Variants in ZC3H12C observed in about 807,000 individuals in gnomAD.
The protein encoded by ZC3H12C is zinc finger CCCH-type containing 12C.
Under a neutral mutation model 76.3 loss-of-function variants are expected in ZC3H12C, and 20 were observed. That is an observed-to-expected ratio of 0.26 (90% confidence interval 0.18 to 0.38). The LOEUF is 0.38. Among genes scored for constraint, ZC3H12C ranks in the 10% least tolerant of loss-of-function variants. ZC3H12C has a pLI of 1.00. For missense variants in ZC3H12C, 874 were observed against 1,086.5 expected, an observed-to-expected ratio of 0.80 and a Z score of 2.75; for synonymous variants, 352 against 399.6, an observed-to-expected ratio of 0.88 and a Z score of 1.42.
At chr11:110,132,766 A>C (rs1177828933) in intron 1 of ZC3H12C, among the ~76,000 whole-genome samples, 4 of 152,102 alleles carry the variant, frequency 2.6e-5, no homozygotes, top group Non-Finnish European at 5.9e-5. Context: ...GAGCAAAATT[A>C]CCCTTATCAG....
At position 110,169,768 on chromosome 11, in the gene ZC3H12C, C is replaced by T. The variant is rs904540675; in HGVS notation, c.*4031C>T. ...GTTAATAAAAGTAAAGAAACATACA[C>T]TATCTTAGCCCCCTAGGGCAGGGGT... is the stretch of plus-strand genomic sequence containing the variant. On this transcript the variant is annotated 3_prime_UTR_variant, in exon 6 of 6. Transcript: ENST00000278590. 3 of 152,182 alleles carry T rather than the reference C, an allele frequency of 2.0e-5. No homozygotes were observed. Among genetic ancestry groups the T allele is most frequent in the Non-Finnish European group, 2.9e-5 (2 of 68,010 alleles). The allele number at this position is 152,182 out of a possible 1,614,324, so 9.4% of individuals were successfully genotyped here.
intron 1 of ZC3H12C, among the ~76,000 whole-genome samples, chr11:110,112,145 T>C (rs1861443667): frequency 6.6e-6 from 1 of 152,248 alleles, no homozygotes; most frequent in Non-Finnish European, 1.5e-5. Flanking sequence ...TGTAGATGTT[T>C]AATTACCTTA....
chr11:110,114,786 A>C (rs1565250860), intron 1 of ZC3H12C, among the ~76,000 whole-genome samples: 1 of 152,138 alleles, frequency 6.6e-6, no homozygotes. Context: ...AATAAAATAA[A>C]CTCCTCATTC....
In ZC3H12C at chr11:110,115,641, C is replaced by T. The variant is rs1310087530; in HGVS notation, c.22-21022C>T. On this transcript the variant is annotated intron_variant, in intron 1 of 5. Coordinates refer to ENST00000278590, the MANE Select transcript of ZC3H12C (RefSeq NM_033390.2). ...CATAGGATGGGGTCTTGCTATGTTG[C>T]CTAGGCTGGTCTTGAACTTCTGGCC... 2.0e-5 allele frequency among the ~76,000 whole-genome samples: 3 copies of T among 151,602 alleles called. No homozygotes were observed. In the East Asian group the frequency reaches 5.9e-4, roughly 30 times the overall value.
In ZC3H12C at chr11:110,165,360, A is replaced by G; in HGVS notation, c.2275A>G (p.Ser759Gly). Residue 759 changes from serine to glycine, a missense_variant, in exon 6 of 6, where the codon AGT (serine) becomes GGT (glycine). Ser to Gly is a moderately conservative substitution (Grantham distance 56, BLOSUM62 0). Transcript: ENST00000278590. ...DSISDSRLYD[S>G]SPSRQRKPYS... ...CATCTCTGACTCTCGACTTTATGAC[A>G]GTTCTCCTTCACGACAAAGAAAGCC... The G allele has an allele frequency of 6.2e-7, 1 of 1,614,006 alleles. No homozygotes were observed.
intron 2 of ZC3H12C, among the ~76,000 whole-genome samples, chr11:110,139,105 T>C (rs1862023557): frequency 6.6e-6 from 1 of 152,220 alleles, no homozygotes; most frequent in Non-Finnish European, 1.5e-5. Flanking sequence ...ACTACTGTTT[T>C]CTGTAGGTGA....
Position 110,165,815 on chromosome 11 carries a change from T to A in ZC3H12C, c.*78T>A. On this transcript the variant is annotated 3_prime_UTR_variant, in exon 6 of 6. Transcript: ENST00000278590. ...GAGGGAGGTTTGCTACAATAGCACATGTGATCTCCTTCTCAGCAAGGAGGT... is the reference window on the plus strand; with the variant it reads ...GAGGGAGGTTTGCTACAATAGCACAAGTGATCTCCTTCTCAGCAAGGAGGT... The A allele has an allele frequency of 7.6e-7, 1 of 1,323,598 alleles. No homozygotes were observed. Among genetic ancestry groups the A allele is most frequent in the East Asian group, 2.5e-5 (1 of 39,802 alleles). The allele number at this position is 1,323,598 out of a possible 1,614,324, so 82.0% of individuals were successfully genotyped here. A position where few individuals can be genotyped will look rare whatever the true frequency, so the allele number is the denominator to read the frequency against.
At chr11:110,103,993 A>T (rs1450436950) in intron 1 of ZC3H12C, among the ~76,000 whole-genome samples, 12 of 147,586 alleles carry the variant, frequency 8.1e-5, no homozygotes, top group Admixed American at 4.7e-4. Flanking sequence ...ACAGGAAACA[A>T]TTCTTTTTTT....
rs192090285 is a variant in ZC3H12C at position 110,167,121 on chromosome 11, G to A, written c.*1384G>A. The stretch of plus-strand genomic sequence containing the variant: ...GTGATTGACATCACTTGACTGTTGC[G>A]TCCAGGTTTTGAATTGTACTTCACG... On this transcript the variant is annotated 3_prime_UTR_variant, in exon 6 of 6. Transcript: ENST00000278590. 3.3e-5 allele frequency: 5 copies of A among 152,212 alleles called. No homozygotes were observed. The highest frequency in any genetic ancestry group is 6.5e-5 in the Admixed American group (1 of 15,282). 9.4% of individuals were successfully genotyped at this position (152,212 alleles called of 1,614,324 possible).
intron 2 of ZC3H12C, among the ~76,000 whole-genome samples, chr11:110,141,208 T>C (rs868480369): frequency 2.6e-5 from 4 of 152,270 alleles, no homozygotes; most frequent in African/African-American, 9.6e-5. Context: ...TTCTTAAAGT[T>C]TGAACAGAAA....
Position 110,169,114 on chromosome 11 carries a change from C to T in ZC3H12C, c.*3377C>T, listed in dbSNP as rs1591490805. 1.3e-5 allele frequency: 2 copies of T among 152,052 alleles called. No homozygotes were observed. The highest frequency in any genetic ancestry group is 4.8e-5 in the African/African-American group (2 of 41,472). The allele number at this position is 152,052 out of a possible 1,614,324, so 9.4% of individuals were successfully genotyped here. A position where few individuals can be genotyped will look rare whatever the true frequency, so the allele number is the denominator to read the frequency against. On this transcript the variant is annotated 3_prime_UTR_variant, in exon 6 of 6. Coordinates refer to ENST00000278590, the MANE Select transcript of ZC3H12C (RefSeq NM_033390.2). Reference sequence around the variant, plus strand: ...CACTTGGATGGAAAGCAGTTCTTCACTGGTTTTATTCTTGGTATTTTCAAA... The same window carrying T: ...CACTTGGATGGAAAGCAGTTCTTCATTGGTTTTATTCTTGGTATTTTCAAA...
Position 110,150,931 on chromosome 11 carries a change from A to C in ZC3H12C, c.774-1988A>C, listed in dbSNP as rs117839558. Among the ~76,000 whole-genome samples the C allele has an allele frequency of 9.4e-3, 1,428 of 152,266 alleles. 11 individuals are homozygous for C. The highest frequency in any genetic ancestry group is 0.016 in the Admixed American group (251 of 15,288). On this transcript the variant is annotated intron_variant, in intron 2 of 5. Coordinates refer to ENST00000278590, the MANE Select transcript of ZC3H12C (RefSeq NM_033390.2). ...TCTGGGTATTCATAGAGCTGTGCCT[A>C]GCATAGCAATTAGGGATGTTTTCGG...
In ZC3H12C at chr11:110,168,178, G is replaced by A. The variant is rs1040511896; in HGVS notation, c.*2441G>A. Reference sequence around the variant, plus strand: ...GCTGACTATTTGTCATTGCCTCATGGATTTTAAATTATGGGAAAATAGTGT... The same window carrying A: ...GCTGACTATTTGTCATTGCCTCATGAATTTTAAATTATGGGAAAATAGTGT... On this transcript the variant is annotated 3_prime_UTR_variant, in exon 6 of 6. Transcript: ENST00000278590. 1 of 152,120 alleles carries A rather than the reference G, an allele frequency of 6.6e-6. No individual in the cohort carries two copies. The highest frequency in any genetic ancestry group is 1.9e-4 in the East Asian group (1 of 5,200). 9.4% of individuals were successfully genotyped at this position (152,120 alleles called of 1,614,324 possible). A position where few individuals can be genotyped will look rare whatever the true frequency, so the allele number is the denominator to read the frequency against.
intron 1 of ZC3H12C, among the ~76,000 whole-genome samples, chr11:110,103,661 A>C (rs979348046): frequency 6.6e-6 from 1 of 151,194 alleles, no homozygotes; most frequent in Admixed American, 6.6e-5. Flanking sequence ...GCTGGAGTGC[A>C]GTGGTGCGAA....
chr11:110,124,631 T>A (rs979670297), intron 1 of ZC3H12C, among the ~76,000 whole-genome samples: 3 of 152,174 alleles, frequency 2.0e-5, no homozygotes, highest in African/African-American at 4.8e-5. Flanking sequence ...AGATAAGAAC[T>A]GGATAGGTGA....
At chr11:110,155,914 T>C (rs531473221) in intron 3 of ZC3H12C, among the ~76,000 whole-genome samples, 1 of 100,490 alleles carries the variant, frequency 1.0e-5, no homozygotes, top group South Asian at 4.3e-4. Context: ...GGGGAAGGGA[T>C]AGAGTAAATT....
chr11:110,150,767 T>C (rs532721811), intron 2 of ZC3H12C, among the ~76,000 whole-genome samples: 1 of 152,302 alleles, frequency 6.6e-6, no homozygotes, highest in African/African-American at 2.4e-5. Flanking sequence ...TGGATTTTTT[T>C]CATTTCTTCT....
In ZC3H12C at chr11:110,164,088, G is replaced by T. The variant is rs183944623; in HGVS notation, c.1256-253G>T. On this transcript the variant is annotated intron_variant, in intron 5 of 5. Transcript: ENST00000278590. This position sits in a 1 kb window ranked among gnomAD's most constrained non-coding sequence, Gnocchi z 5.7. ...GCCCTCCACCTGGGTGACAGAGCAA[G>T]ACCCTGTCTCAAAAAAAAAAAAAAA... Among the ~76,000 whole-genome samples the T allele has an allele frequency of 4.2e-4, 52 of 122,872 alleles. 1 individual carries two copies. The South Asian group carries it at 7.7e-3, about 18-fold the overall frequency. 80.6% of individuals were successfully genotyped at this position (122,872 alleles called of 152,430 possible).
intron 1 of ZC3H12C, among the ~76,000 whole-genome samples, chr11:110,098,265 A>G (rs1861149571): frequency 6.6e-6 from 1 of 152,214 alleles, no homozygotes; most frequent in African/African-American, 2.4e-5. Context: ...TTTTCTAGAT[A>G]GACAAAAGCT....
Sources: allele counts gnomAD v4.1 joint callset (sites outside exome capture counted in the v4.1 genomes callset), GRCh38; gene constraint gnomAD v4.1.1; non-coding constraint Gnocchi (gnomAD v3.1); transcripts MANE v1.5; gene names NCBI Gene and HGNC (gene_info 2026-07-23, HGNC 2026-07-21).